KIAA1217: variants seen among roughly 807,000 people sequenced by gnomAD.
The protein encoded by KIAA1217 is sickle tail protein homolog.
KIAA1217 carries 88 observed loss-of-function variants against 163.9 expected under a neutral mutation model. The observed-to-expected ratio is 0.54, with a 90% CI of 0.45 to 0.64. The LOEUF (loss-of-function observed/expected upper bound fraction) is 0.64, where lower values mean the gene tolerates loss of function less well. Among genes scored for constraint, KIAA1217 ranks in the 30% least tolerant of loss-of-function variants. KIAA1217 has a pLI of 0.00. For synonymous variants in KIAA1217, 903 were observed against 923.1 expected (o/e 0.98, Z 0.39); for missense variants, 2,372 against 2,475.0 (o/e 0.96, Z 0.88).
At chr10:24,158,636 C>A in intron 2 of KIAA1217, 2 of 510,838 alleles carry the variant, frequency 3.9e-6, no homozygotes, top group East Asian at 5.0e-5. Context: ...CCAATCAAAA[C>A]TTTAGGTACA....
intron 2 of KIAA1217, among the ~76,000 whole-genome samples, chr10:24,093,933 G>A (rs1193080632): frequency 6.6e-6 from 1 of 151,434 alleles, no homozygotes; most frequent in African/African-American, 2.4e-5. Context: ...AGTTTACTGA[G>A]AATGATGATT....
At position 23,695,430 on chromosome 10, in the gene KIAA1217, A is replaced by C. The variant is rs1187252625; in HGVS notation, c.-321+196A>C. 6.6e-6 allele frequency among the ~76,000 whole-genome samples: 1 copy of C among 152,080 alleles called. No individual in the cohort carries two copies. The highest frequency in any genetic ancestry group is 2.0e-4 in the East Asian group (1 of 5,122). ...GGCCGGGAGGGGTCCCGGTGCGGTGATGGGGTGCCAAAAGGAGAAGACCCC... is the reference window on the plus strand; with the variant it reads ...GGCCGGGAGGGGTCCCGGTGCGGTGCTGGGGTGCCAAAAGGAGAAGACCCC... On this transcript the variant is annotated intron_variant, in intron 1 of 18. Coordinates refer to the KIAA1217 transcript ENST00000376462. This position sits in a 1 kb window ranked among gnomAD's most constrained non-coding sequence, Gnocchi z 4.9.
chr10:24,000,263 G>A (rs182111866), intron 1 of KIAA1217, among the ~76,000 whole-genome samples: 21 of 152,282 alleles, frequency 1.4e-4, no homozygotes, highest in African/African-American at 3.6e-4. Context: ...CCCACGTGTC[G>A]TAGGAGGAAG....
intron 2 of KIAA1217, among the ~76,000 whole-genome samples, chr10:24,104,299 A>G (rs1049724897): frequency 2.6e-5 from 4 of 152,218 alleles, no homozygotes; most frequent in African/African-American, 4.8e-5. Flanking sequence ...TAAATAAACC[A>G]TGGTATATCC....
At chr10:24,494,716 A>G in intron 7 of KIAA1217, 112 bp downstream of exon 7, 1 of 804,778 alleles carries the variant, frequency 1.2e-6, no homozygotes, top group East Asian at 2.7e-5. Flanking sequence ...AAGGCTGAAA[A>G]TATTCACATC....
At chr10:24,443,502 T>C (rs1211623395) in intron 5 of KIAA1217, among the ~76,000 whole-genome samples, 1 of 152,132 alleles carries the variant, frequency 6.6e-6, no homozygotes, top group Non-Finnish European at 1.5e-5. Context: ...TTCAAAATTC[T>C]ACTCATCTAA....
At chr10:24,198,976 T>C (rs1244127097) in intron 2 of KIAA1217, among the ~76,000 whole-genome samples, 3 of 152,146 alleles carry the variant, frequency 2.0e-5, no homozygotes, top group Non-Finnish European at 4.4e-5. Context: ...CCCAGCACTA[T>C]GGGAGGCTGA....
intron 5 of KIAA1217, among the ~76,000 whole-genome samples, chr10:24,459,985 A>G (rs79614301): frequency 0.082 from 12,552 of 152,150 alleles, 664 homozygotes; most frequent in East Asian, 0.18. Context: ...CTGGACCAAA[A>G]TGCTAGTTCC....
At chr10:24,257,339 G>A (rs549019808) in intron 2 of KIAA1217, among the ~76,000 whole-genome samples, 4 of 152,176 alleles carry the variant, frequency 2.6e-5, no homozygotes, top group Admixed American at 2.6e-4. Flanking sequence ...GGAACGGCGT[G>A]GGGGGTGGAG....
At chr10:24,206,959 G>A (rs2067586365), upstream of KIAA1217, among the ~76,000 whole-genome samples, 1 of 152,266 alleles carries the variant, frequency 6.6e-6, no homozygotes, top group Admixed American at 6.5e-5. Flanking sequence ...ACAGAGGCCT[G>A]AAAGACTGCT....
intron 1 of KIAA1217, among the ~76,000 whole-genome samples, chr10:23,742,126 A>G (rs774947010): frequency 6.1e-4 from 93 of 152,320 alleles, no homozygotes; most frequent in Non-Finnish European, 1.2e-3. Context: ...GTAGAGCTGG[A>G]GATCAAGCTG....
chr10:24,162,978 C>G (rs2065186366), intron 2 of KIAA1217, among the ~76,000 whole-genome samples: 1 of 152,212 alleles, frequency 6.6e-6, no homozygotes, highest in Non-Finnish European at 1.5e-5. Flanking sequence ...ATGGCAGCCA[C>G]AGTCTTTTAC....
At position 24,339,184 on chromosome 10, in the gene KIAA1217, C is replaced by T. The variant is rs555444514; in HGVS notation, c.355-41685C>T. Among the ~76,000 whole-genome samples the T allele has an allele frequency of 4.6e-5, 7 of 152,234 alleles. No homozygotes were observed. The East Asian group carries it at 5.8e-4, about 13-fold the overall frequency. On this transcript the variant is annotated intron_variant, in intron 2 of 20. Transcript: ENST00000376454. ...TATTTTCCTTATCTCTAATTAACCT[C>T]GTTTTGTTTTTTAAATATCCCTTTT...
chr10:24,001,491 C>T (rs1846742410), intron 1 of KIAA1217, among the ~76,000 whole-genome samples: 1 of 152,146 alleles, frequency 6.6e-6, no homozygotes. Context: ...ATATTCTTAG[C>T]ATTTATTGAG....
At chr10:23,911,872 T>C (rs1207147198) in intron 1 of KIAA1217, among the ~76,000 whole-genome samples, 3 of 152,136 alleles carry the variant, frequency 2.0e-5, no homozygotes, top group Admixed American at 1.3e-4. Flanking sequence ...GGCTCTGTGC[T>C]GGTATGAGTT....
intron 2 of KIAA1217, among the ~76,000 whole-genome samples, chr10:24,057,585 C>G (rs546527740): frequency 2.0e-5 from 3 of 152,266 alleles, no homozygotes; most frequent in African/African-American, 7.2e-5. Flanking sequence ...TCATCCATGT[C>G]GTGGCACATT....
intron 1 of KIAA1217, among the ~76,000 whole-genome samples, chr10:23,949,637 GAC>G (rs1446865326): frequency 6.6e-6 from 1 of 151,900 alleles, no homozygotes; most frequent in Non-Finnish European, 1.5e-5. Flanking sequence ...TTAAAGAAAA[GAC>G]TGCCTGGTGT....
At chr10:24,068,834 G>A (rs1346153115) in intron 2 of KIAA1217, among the ~76,000 whole-genome samples, 1 of 152,170 alleles carries the variant, frequency 6.6e-6, no homozygotes, top group Non-Finnish European at 1.5e-5. Context: ...GCTGGGAGCT[G>A]GAATTTTTTC....
intron 1 of KIAA1217, among the ~76,000 whole-genome samples, chr10:23,822,392 A>T (rs1452684649): frequency 6.6e-6 from 1 of 152,220 alleles, no homozygotes; most frequent in Non-Finnish European, 1.5e-5. Context: ...TATTTTAATA[A>T]ATTATCTTGA....
Sources: allele counts gnomAD v4.1 joint callset (sites outside exome capture counted in the v4.1 genomes callset), GRCh38; gene constraint gnomAD v4.1.1; non-coding constraint Gnocchi (gnomAD v3.1); transcripts MANE v1.5; gene names NCBI Gene and HGNC (gene_info 2026-07-23, HGNC 2026-07-21).